CCDC144A: variants seen among roughly 807,000 people sequenced by gnomAD.
CCDC144A encodes coiled-coil domain containing 144A, also known as coiled-coil domain-containing protein 144A.
In CCDC144A, 41 loss-of-function variants were observed where a neutral mutation model predicts 143.8. The observed-to-expected ratio is 0.29, with a 90% CI of 0.22 to 0.37. The LOEUF (loss-of-function observed/expected upper bound fraction) is 0.37, where lower values mean the gene tolerates loss of function less well. Ranked by LOEUF, CCDC144A falls within the 10% of genes least tolerant of loss-of-function variation. The pLI, the probability that CCDC144A is intolerant of heterozygous loss-of-function variation, is 1.00. For missense variants in CCDC144A, 637 were observed against 1,488.8 expected (o/e 0.43, Z 9.41); for synonymous variants, 242 against 517.9 (o/e 0.47, Z 7.23).
intron 9 of CCDC144A, among the ~76,000 whole-genome samples, chr17:16,730,751 G>T (rs1264841875): frequency 7.3e-6 from 1 of 137,432 alleles, no homozygotes; most frequent in Non-Finnish European, 1.5e-5. Flanking sequence ...TGTTGTTGTT[G>T]CAGCTGTTGT....
chr17:16,688,429 TA>T (rs1203339548), upstream of CCDC144A, among the ~76,000 whole-genome samples: 3 of 151,090 alleles, frequency 2.0e-5, no homozygotes, highest in African/African-American at 7.3e-5. Context: ...AAACCACTCA[TA>T]GGGGGAATTA....
At chr17:16,690,804 AG>A in intron 1 of CCDC144A, 60 bp downstream of exon 1, 1 of 1,519,316 alleles carries the variant, frequency 6.6e-7, no homozygotes, top group South Asian at 1.3e-5. Flanking sequence ...TGGTGCCCGC[AG>A]GCCCCACGGC....
chr17:16,746,879 T>A (rs1914557804), intron 12 of CCDC144A: 5 of 674,562 alleles, frequency 7.4e-6, no homozygotes, highest in Non-Finnish European at 1.0e-5. Flanking sequence ...CTTCTCTCCC[T>A]TCTCTCCCTC....
At chr17:16,684,016 T>G in the CCDC144A span, 1 of 939,418 alleles carries the variant, frequency 1.1e-6, no homozygotes, top group South Asian at 1.3e-5. Context: ...GAGCGGAAAT[T>G]CATGCAGCCT....
At chr17:16,716,968 C>T (rs1416027513) in intron 6 of CCDC144A, among the ~76,000 whole-genome samples, 4 of 151,400 alleles carry the variant, frequency 2.6e-5, no homozygotes, top group African/African-American at 9.7e-5. Flanking sequence ...CACCCACCAC[C>T]GCACACGGCT....
chr17:16,743,201 T>A (rs1267533051), intron 12 of CCDC144A, among the ~76,000 whole-genome samples: 1 of 152,220 alleles, frequency 6.6e-6, no homozygotes, highest in Non-Finnish European at 1.5e-5. Flanking sequence ...ATTTTCTTGT[T>A]AGTAGTTTTA....
chr17:16,681,685 C>T, the CCDC144A span, among the ~76,000 whole-genome samples: 3 of 151,832 alleles, frequency 2.0e-5, no homozygotes, highest in Admixed American at 6.6e-5. Context: ...ATGGAGAAAC[C>T]CCGTCTCTAC....
the CCDC144A span, among the ~76,000 whole-genome samples, chr17:16,682,925 A>G: frequency 1.3e-5 from 1 of 77,864 alleles, no homozygotes; most frequent in Non-Finnish European, 2.4e-5. Flanking sequence ...TTTTTGAGAC[A>G]GAGTCTTGCT....
chr17:16,682,903 T>TG, the CCDC144A span, among the ~76,000 whole-genome samples: 2 of 117,008 alleles, frequency 1.7e-5, no homozygotes, highest in East Asian at 2.6e-4. Flanking sequence ...TTTTTTTTTT[T>TG]TTTTTTTTTT....
the CCDC144A span, among the ~76,000 whole-genome samples, chr17:16,682,786 C>A: frequency 1.3e-4 from 19 of 146,234 alleles, no homozygotes; most frequent in Admixed American, 6.3e-4. Flanking sequence ...ATATGACTAT[C>A]GTTTGTGCTT....
chr17:16,687,640 C>T (rs1228085456), upstream of CCDC144A, among the ~76,000 whole-genome samples: 5 of 152,126 alleles, frequency 3.3e-5, no homozygotes, highest in Non-Finnish European at 7.3e-5. Context: ...CACTGAGGGG[C>T]GGCTTGTGGA....
At chr17:16,669,791 T>C in the CCDC144A span, among the ~76,000 whole-genome samples, 2 of 152,226 alleles carry the variant, frequency 1.3e-5, no homozygotes, top group East Asian at 1.9e-4. Flanking sequence ...TTCTTCTTAA[T>C]GTCAAAGCAT....
At chr17:16,766,750 GA>G (rs1256683969) in intron 15 of CCDC144A, among the ~76,000 whole-genome samples, 34 of 151,442 alleles carry the variant, frequency 2.2e-4, no homozygotes, top group Admixed American at 3.3e-4. Flanking sequence ...ATGGGTGGGG[GA>G]AAAAAAATAA....
At chr17:16,736,235 C>CTTTT (rs71214289) in intron 12 of CCDC144A, among the ~76,000 whole-genome samples, 3 of 98,196 alleles carry the variant, frequency 3.1e-5, no homozygotes, top group South Asian at 3.1e-4. Context: ...AAGGCATTTA[C>CTTTT]TTTTTTTTTT....
intron 12 of CCDC144A, among the ~76,000 whole-genome samples, chr17:16,748,656 G>A (rs1432213780): frequency 6.6e-6 from 1 of 152,250 alleles, no homozygotes. Context: ...AGTTTCATTA[G>A]GTTTGTTAAC....
At chr17:16,765,345 A>AT (rs1297692869) in intron 15 of CCDC144A, 2 of 149,674 alleles carry the variant, frequency 1.3e-5, no homozygotes, top group African/African-American at 2.5e-5. Flanking sequence ...GTGCGCAATG[A>AT]TTATTCCTGT....
chr17:16,705,067 G>C, intron 2 of CCDC144A, 84 bp from the exon 3 acceptor site: 2 of 995,700 alleles, frequency 2.0e-6, no homozygotes, highest in Non-Finnish European at 3.1e-6. Flanking sequence ...GACTGTTTCT[G>C]TGAAGAAAGC....
chr17:16,762,691 A>G (rs1465978820), intron 14 of CCDC144A, among the ~76,000 whole-genome samples, 158 bp downstream of exon 14: 4 of 152,158 alleles, frequency 2.6e-5, no homozygotes, highest in Admixed American at 2.0e-4. Flanking sequence ...TAGTAAATGA[A>G]CTTAACCTTT....
intron 8 of CCDC144A, among the ~76,000 whole-genome samples, chr17:16,723,883 T>C (rs1913235651): frequency 6.6e-6 from 1 of 152,180 alleles, no homozygotes; most frequent in African/African-American, 2.4e-5. Flanking sequence ...TTGAGTTTAA[T>C]TTGTTCTTCT....
Sources: allele counts gnomAD v4.1 joint callset (sites outside exome capture counted in the v4.1 genomes callset), GRCh38; gene constraint gnomAD v4.1.1; transcripts MANE v1.5; gene names NCBI Gene and HGNC (gene_info 2026-07-23, HGNC 2026-07-21).